The following PTPRO variants were observed in gnomAD, a reference collection of about 807,000 sequenced individuals.
The protein encoded by PTPRO is protein tyrosine phosphatase receptor type O, also known as receptor-type tyrosine-protein phosphatase O.
A neutral mutation model predicts 145.2 loss-of-function variants in PTPRO; 62 were observed. That is an observed-to-expected ratio of 0.43 (90% CI 0.35 to 0.53). PTPRO has a LOEUF of 0.53. Among genes scored for constraint, PTPRO ranks in the 20% least tolerant of loss-of-function variants. The pLI, the probability that PTPRO is intolerant of heterozygous loss-of-function variation, is 0.01. For missense variants in PTPRO, 1,345 were observed against 1,482.7 expected (o/e 0.91, Z 1.53); for synonymous variants, 565 against 514.7 (o/e 1.10, Z -1.32).
intron 1 of PTPRO, among the ~76,000 whole-genome samples, chr12:15,451,655 C>A (rs993826268): frequency 2.6e-5 from 4 of 152,260 alleles, no homozygotes; most frequent in Non-Finnish European, 5.9e-5. Flanking sequence ...TCTCTCAGAC[C>A]ACAATGGAAT....
chr12:15,410,957 CA>C (rs1939782493), intron 1 of PTPRO, among the ~76,000 whole-genome samples: 1 of 152,166 alleles, frequency 6.6e-6, no homozygotes, highest in South Asian at 2.1e-4. Context: ...AAAGAAAACA[CA>C]TGGACAATTA....
chr12:15,403,590 T>C (rs1182998092), intron 1 of PTPRO, among the ~76,000 whole-genome samples: 1 of 151,932 alleles, frequency 6.6e-6, no homozygotes, highest in Non-Finnish European at 1.5e-5. Flanking sequence ...CTCAAAAACA[T>C]ACAAACAAAA....
At chr12:15,489,583 A>G (rs985102378) in intron 2 of PTPRO, among the ~76,000 whole-genome samples, 1 of 152,164 alleles carries the variant, frequency 6.6e-6, no homozygotes, top group Non-Finnish European at 1.5e-5. Flanking sequence ...ATGCTAATGT[A>G]TTATAATTAG....
rs200798610 is a variant in PTPRO, at chr12:15,520,223, C to T, written c.1802C>T (p.Ala601Val). 1.9e-6 allele frequency: 3 copies of T among 1,613,742 alleles called. No homozygotes were observed. Among genetic ancestry groups the T allele is most frequent in the Non-Finnish European group, 2.5e-6 (3 of 1,179,706 alleles). Reference protein sequence around the residue: ...ASVRIANLLPAWYYNFRVTMV... With the variant: ...ASVRIANLLPVWYYNFRVTMV... The stretch of plus-strand genomic sequence containing the variant: ...CAGAGAATAGCTAATCTGCTGCCAG[C>T]ATGGTACTACAACTTCCGGGTTACC... The change falls in exon 10 of 27, where the codon GCA becomes GTA. Residue 601 changes from alanine (A) to valine (V), a missense_variant. Physicochemically the swap from Ala to Val is moderately conservative, Grantham distance 64. Coordinates refer to ENST00000281171, the MANE Select transcript of PTPRO (RefSeq NM_030667.3).
chr12:15,560,103 TAGG>T, intron 16 of PTPRO, 87 bp from the exon 17 acceptor site: 1 of 892,742 alleles, frequency 1.1e-6, no homozygotes, highest in Non-Finnish European at 1.9e-6. Context: ...TTAATCCCAA[TAGG>T]TAATTTACTG....
intron 1 of PTPRO, among the ~76,000 whole-genome samples, chr12:15,456,964 CT>C (rs1941194166): frequency 6.6e-6 from 1 of 151,822 alleles, no homozygotes; most frequent in Non-Finnish European, 1.5e-5. Context: ...TCATTTGGTT[CT>C]GTTCTAATCT....
chr12:15,499,318 C>A (rs2136465467), intron 3 of PTPRO, 124 bp from the exon 4 acceptor site: 2 of 953,790 alleles, frequency 2.1e-6, no homozygotes, highest in Non-Finnish European at 3.3e-6. Flanking sequence ...TTTATTACTG[C>A]CCATAACAGT....
intron 1 of PTPRO, among the ~76,000 whole-genome samples, chr12:15,360,955 C>CACACACATATATACACATGTGTATAT (rs1591741211): frequency 6.9e-6 from 1 of 144,202 alleles, no homozygotes; most frequent in East Asian, 2.1e-4. Context: ...CGTGTATATA[C>CACACACATATATACACATGTGTATAT]ACACACATAT....
At chr12:15,340,593 G>A (rs1042563792) in intron 1 of PTPRO, among the ~76,000 whole-genome samples, 1 of 152,142 alleles carries the variant, frequency 6.6e-6, no homozygotes, top group Non-Finnish European at 1.5e-5. Flanking sequence ...ATCTTCTTCA[G>A]TGTAATAGAT....
chr12:15,393,237 T>C (rs1421633634), intron 1 of PTPRO, among the ~76,000 whole-genome samples: 1 of 152,152 alleles, frequency 6.6e-6, no homozygotes, highest in African/African-American at 2.4e-5. Context: ...CACACCAACA[T>C]GTCTATGAAT....
chr12:15,484,072 G>C lies in PTPRO; in HGVS notation c.174G>C (p.Val58=). 1 of 1,613,802 alleles carries C rather than the reference G, an allele frequency of 6.2e-7. No homozygotes were observed. Among genetic ancestry groups the C allele is most frequent in the South Asian group, 1.1e-5 (1 of 91,072 alleles). The change falls in exon 2 of 27, where the codon GTG becomes GTC. Residue 58 remains valine, a synonymous_variant. Coordinates refer to ENST00000281171, the MANE Select transcript of PTPRO (RefSeq NM_030667.3). The part of the protein sequence containing the change: ...DVISPASVYV[V]KITGESKNYF... ...TCAGTCCAGCATCTGTGTATGTTGT[G>C]AAGATAACTGGTGAATCCAAAAATT...
chr12:15,390,938 C>T (rs552675636), intron 1 of PTPRO, among the ~76,000 whole-genome samples: 1 of 152,160 alleles, frequency 6.6e-6, no homozygotes, highest in Non-Finnish European at 1.5e-5. Flanking sequence ...GGTAAGGGTC[C>T]TTTTGCTGGT....
chr12:15,396,562 T>G (rs1277734712), intron 1 of PTPRO, among the ~76,000 whole-genome samples: 1 of 152,188 alleles, frequency 6.6e-6, no homozygotes, highest in Non-Finnish European at 1.5e-5. Flanking sequence ...TGATGTGATA[T>G]TAATGTATGT....
intron 1 of PTPRO, among the ~76,000 whole-genome samples, chr12:15,423,664 T>A (rs559680424): frequency 6.6e-6 from 1 of 152,274 alleles, no homozygotes; most frequent in East Asian, 1.9e-4. Context: ...ACCTAGAAAT[T>A]TTTTTGTTTT....
chr12:15,409,847 C>T (rs899463972), intron 1 of PTPRO, among the ~76,000 whole-genome samples: 1 of 152,148 alleles, frequency 6.6e-6, no homozygotes, highest in African/African-American at 2.4e-5. Flanking sequence ...AGAAATCTAC[C>T]CCCATGACCC....
At chr12:15,520,902 A>G (rs541260638) in intron 10 of PTPRO, among the ~76,000 whole-genome samples, 79 of 152,316 alleles carry the variant, frequency 5.2e-4, no homozygotes, top group Admixed American at 1.0e-3. Flanking sequence ...ATTTATTACA[A>G]CTTCATTATT....
At chr12:15,498,376 G>A (rs1942150340) in intron 3 of PTPRO, among the ~76,000 whole-genome samples, 1 of 152,130 alleles carries the variant, frequency 6.6e-6, no homozygotes, top group African/African-American at 2.4e-5. Context: ...CTAACATGGT[G>A]AAACACCGTC....
chr12:15,355,272 G>A (rs1032120525), intron 1 of PTPRO, among the ~76,000 whole-genome samples: 2 of 152,168 alleles, frequency 1.3e-5, no homozygotes, highest in African/African-American at 4.8e-5. Context: ...ACTAAAAATA[G>A]TGATCAGAAA....
chr12:15,524,281 T>C (rs1277106601), intron 10 of PTPRO, among the ~76,000 whole-genome samples: 3 of 152,136 alleles, frequency 2.0e-5, no homozygotes, highest in Non-Finnish European at 2.9e-5. Flanking sequence ...AAATAATGTC[T>C]TGTTATTTTA....
Sources: allele counts gnomAD v4.1 joint callset (sites outside exome capture counted in the v4.1 genomes callset), GRCh38; gene constraint gnomAD v4.1.1; transcripts MANE v1.5; gene names NCBI Gene and HGNC (gene_info 2026-07-23, HGNC 2026-07-21).